Variants in ZNF438 observed in about 807,000 individuals in gnomAD.
The protein encoded by ZNF438 is zinc finger protein 438.
Under a neutral mutation model 38.0 loss-of-function variants are expected in ZNF438, and 25 were observed. The observed-to-expected ratio is 0.66, with a 90% CI of 0.48 to 0.92. The LOEUF is 0.92. ZNF438 is among the 40% of genes least tolerant of loss of function. The pLI, the probability that ZNF438 is intolerant of heterozygous loss-of-function variation, is 0.00. For synonymous variants in ZNF438, 372 were observed against 364.1 expected, an observed-to-expected ratio of 1.02 and a Z score of -0.25; for missense variants, 1,007 against 999.6, an observed-to-expected ratio of 1.01 and a Z score of -0.10.
chr10:30,893,355 T>C (rs1346491249), intron 3 of ZNF438, among the ~76,000 whole-genome samples: 2 of 152,058 alleles, frequency 1.3e-5, no homozygotes, highest in African/African-American at 4.8e-5. Context: ...AAACTACAAA[T>C]GGGAAAAGGA....
At chr10:30,970,905 A>G (rs1275167191) in intron 1 of ZNF438, among the ~76,000 whole-genome samples, 1 of 152,194 alleles carries the variant, frequency 6.6e-6, no homozygotes, top group East Asian at 1.9e-4. Context: ...TAGGACACAT[A>G]CTACCACTTC....
At chr10:31,001,764 C>T (rs1218252026) in intron 1 of ZNF438, among the ~76,000 whole-genome samples, 3 of 152,138 alleles carry the variant, frequency 2.0e-5, no homozygotes, top group African/African-American at 7.2e-5. Flanking sequence ...TTCATTAAAA[C>T]ATTCACCAAA....
chr10:30,912,222 T>C (rs1470361647), intron 2 of ZNF438, among the ~76,000 whole-genome samples: 2 of 152,140 alleles, frequency 1.3e-5, no homozygotes, highest in East Asian at 1.9e-4. Context: ...ACTCCTCATA[T>C]GTGCTTGAGC....
At chr10:30,986,400 T>C (rs1021826693) in intron 1 of ZNF438, among the ~76,000 whole-genome samples, 1 of 152,204 alleles carries the variant, frequency 6.6e-6, no homozygotes, top group African/African-American at 2.4e-5. Flanking sequence ...GCAAAAATCA[T>C]GGCACTATAT....
intron 2 of ZNF438, among the ~76,000 whole-genome samples, chr10:30,914,618 AG>A (rs2043408063): frequency 6.6e-6 from 1 of 152,060 alleles, no homozygotes; most frequent in African/African-American, 2.4e-5. Flanking sequence ...CAAACTTAAA[AG>A]TGTCATTAAA....
chr10:30,955,393 T>A (rs1208087757), intron 1 of ZNF438, among the ~76,000 whole-genome samples: 1 of 152,266 alleles, frequency 6.6e-6, no homozygotes, highest in South Asian at 2.1e-4. Flanking sequence ...TGTGACTCCT[T>A]TGACCAACAG....
intron 1 of ZNF438, among the ~76,000 whole-genome samples, chr10:30,958,001 G>C (rs528095031): frequency 6.8e-6 from 1 of 147,024 alleles, no homozygotes; most frequent in Non-Finnish European, 1.5e-5. Flanking sequence ...ATGCTTTGTA[G>C]TATAATTTGA....
chr10:30,912,297 T>C (rs2043163126), intron 2 of ZNF438, among the ~76,000 whole-genome samples: 1 of 152,246 alleles, frequency 6.6e-6, no homozygotes, highest in Non-Finnish European at 1.5e-5. Flanking sequence ...TCAGTCTTCA[T>C]CTTACTGGAC....
chr10:30,991,587 C>T lies in ZNF438; in HGVS notation c.-192+40246G>A, dbSNP rs557052113. Among the ~76,000 whole-genome samples, 16 of 152,304 alleles carry T rather than the reference C, an allele frequency of 1.1e-4. No individual in the cohort carries two copies. In the South Asian group the frequency reaches 3.1e-3, roughly 30 times the overall value. On this transcript the variant is annotated intron_variant, in intron 1 of 5. Coordinates refer to ENST00000413025, the Ensembl canonical transcript of ZNF438. ...TCTGTGCAGTGGTGCAAGGTTCTAC[C>T]TGTGGGGAGATGCAGACTGGAGACA...
intron 4 of ZNF438, among the ~76,000 whole-genome samples, chr10:30,857,988 T>C (rs1564503097): frequency 6.6e-6 from 1 of 152,234 alleles, no homozygotes; most frequent in Non-Finnish European, 1.5e-5. Context: ...AAGCCTGCTC[T>C]GTTGCTTCTG....
At chr10:31,016,325 A>G (rs565477156) in intron 1 of ZNF438, among the ~76,000 whole-genome samples, 1 of 152,352 alleles carries the variant, frequency 6.6e-6, no homozygotes, top group East Asian at 1.9e-4. Context: ...TCATAGAAAG[A>G]ATACATAAAT....
intron 2 of ZNF438, among the ~76,000 whole-genome samples, chr10:30,937,799 T>C (rs1589290628): frequency 1.3e-5 from 2 of 152,238 alleles, no homozygotes; most frequent in East Asian, 1.9e-4. Context: ...TTCTCTTCCA[T>C]TCACATGTAG....
rs749529007 is a variant in ZNF438, at chr10:30,850,284, T to C, written c.121A>G (p.Ile41Val). 4.3e-6 allele frequency: 7 copies of C among 1,614,064 alleles called. No individual in the cohort carries two copies. Among genetic ancestry groups the C allele is most frequent in the Non-Finnish European group, 5.9e-6 (7 of 1,180,040 alleles). Reference sequence around the variant, plus strand: ...CTGGACGTTAGGACTTTGGGCACAATTTTTGGTGCAATGGTCCTAAACTGA... The same window carrying C: ...CTGGACGTTAGGACTTTGGGCACAACTTTTGGTGCAATGGTCCTAAACTGA... The change falls in exon 5 of 6, where the codon ATT (isoleucine) becomes GTT (valine). Residue 41 changes from isoleucine to valine, a missense_variant. Coordinates refer to ENST00000413025, the Ensembl canonical transcript of ZNF438.
At chr10:30,859,586 C>T (rs1588829992) in intron 4 of ZNF438, among the ~76,000 whole-genome samples, 1 of 152,132 alleles carries the variant, frequency 6.6e-6, no homozygotes, top group South Asian at 2.1e-4. Context: ...CTGTCATGTA[C>T]CTGTGGCTTT....
At chr10:31,009,278 T>C (rs1309871104) in intron 1 of ZNF438, among the ~76,000 whole-genome samples, 1 of 152,208 alleles carries the variant, frequency 6.6e-6, no homozygotes, top group East Asian at 1.9e-4. Context: ...GCAGACAGAA[T>C]TGGCATGTGA....
intron 4 of ZNF438, among the ~76,000 whole-genome samples, chr10:30,865,881 A>G (rs915877614): frequency 3.3e-5 from 5 of 152,212 alleles, no homozygotes; most frequent in Non-Finnish European, 5.9e-5. Flanking sequence ...GGATTAGATT[A>G]GATTAGTGTT....
chr10:30,972,262 C>G (rs2050830715), intron 1 of ZNF438, among the ~76,000 whole-genome samples: 1 of 152,174 alleles, frequency 6.6e-6, no homozygotes, highest in South Asian at 2.1e-4. Context: ...AGCCGCCACG[C>G]CCGGCCCCTT....
intron 1 of ZNF438, among the ~76,000 whole-genome samples, chr10:30,955,758 G>C (rs967950574): frequency 3.3e-4 from 50 of 152,292 alleles, no homozygotes; most frequent in African/African-American, 1.0e-3. Context: ...TCACACCACT[G>C]AATATTGGGG....
intron 3 of ZNF438, among the ~76,000 whole-genome samples, chr10:30,883,553 G>T (rs80264809): frequency 0.032 from 4,804 of 152,168 alleles, 122 homozygotes; most frequent in Non-Finnish European, 0.052. Context: ...TATAAAAATT[G>T]CTTATGACAT....
Sources: allele counts gnomAD v4.1 joint callset (sites outside exome capture counted in the v4.1 genomes callset), GRCh38; gene constraint gnomAD v4.1.1; transcripts MANE v1.5; gene names NCBI Gene and HGNC (gene_info 2026-07-23, HGNC 2026-07-21).